The following TBC1D19 variants were observed in gnomAD, a reference collection of about 807,000 sequenced individuals.
The protein encoded by TBC1D19 is TBC1 domain family member 19, also known as TBC1 domain family, member 19.
In TBC1D19, 60 loss-of-function variants were observed where a neutral mutation model predicts 89.0. That is an observed-to-expected ratio of 0.67 (90% CI 0.55 to 0.84). The LOEUF is 0.84. Among genes scored for constraint, TBC1D19 ranks in the 40% least tolerant of loss-of-function variants. TBC1D19 has a pLI of 0.00. For missense variants in TBC1D19, 500 were observed against 610.8 expected (o/e 0.82, Z 1.91); for synonymous variants, 189 against 199.7 (o/e 0.95, Z 0.45).
In TBC1D19 at chr4:26,673,870, T is replaced by C. The variant is rs1247079631; in HGVS notation, c.798T>C (p.Asn266=). The change falls in exon 11 of 21, where the codon AAT becomes AAC. Residue 266 remains asparagine, a synonymous_variant. Coordinates refer to ENST00000264866, the MANE Select transcript of TBC1D19 (RefSeq NM_018317.4). ...LRAELWALIL[N]ISSQPEDVLY... Reference sequence around the variant, plus strand: ...CTGAATTGTGGGCTCTCATTTTGAATATTTCCAGCCAACCTGAGGTAAGAA... The same window carrying C: ...CTGAATTGTGGGCTCTCATTTTGAACATTTCCAGCCAACCTGAGGTAAGAA... The C allele has an allele frequency of 6.2e-7, 1 of 1,601,476 alleles. No individual in the cohort carries two copies. Among genetic ancestry groups the C allele is most frequent in the Non-Finnish European group, 8.5e-7 (1 of 1,172,766 alleles).
the TBC1D19 span, among the ~76,000 whole-genome samples, chr4:26,844,903 C>G: frequency 6.6e-6 from 1 of 152,164 alleles, no homozygotes; most frequent in Non-Finnish European, 1.5e-5. Flanking sequence ...TTCAGATTGG[C>G]TGAAACAATG....
chr4:26,642,495 T>C (rs1459771028), intron 7 of TBC1D19, among the ~76,000 whole-genome samples: 2 of 152,142 alleles, frequency 1.3e-5, no homozygotes, highest in Non-Finnish European at 2.9e-5. Context: ...GTAAAGACCA[T>C]CGATGCTAAG....
chr4:26,748,695 G>C (rs1419873621), intron 19 of TBC1D19, among the ~76,000 whole-genome samples, 169 bp downstream of exon 19: 1 of 152,174 alleles, frequency 6.6e-6, no homozygotes, highest in Admixed American at 6.5e-5. Flanking sequence ...CTGCAGTCTT[G>C]ATACTTTTAT....
At chr4:26,829,584 T>C in the TBC1D19 span, among the ~76,000 whole-genome samples, 1 of 152,092 alleles carries the variant, frequency 6.6e-6, no homozygotes, top group African/African-American at 2.4e-5. Flanking sequence ...TTCCCATTTT[T>C]CCCCTCTCTC....
At chr4:26,730,324 AT>A (rs1281578242) in intron 15 of TBC1D19, among the ~76,000 whole-genome samples, 1 of 152,228 alleles carries the variant, frequency 6.6e-6, no homozygotes, top group Admixed American at 6.5e-5. Context: ...AAAATAAAAA[AT>A]TATTAAAAGA....
chr4:26,794,781 GA>G, the TBC1D19 span, among the ~76,000 whole-genome samples: 1 of 152,032 alleles, frequency 6.6e-6, no homozygotes, highest in Non-Finnish European at 1.5e-5. Flanking sequence ...AGTAGTAAAA[GA>G]AAAAAACAGC....
At chr4:26,709,835 C>G (rs564090619) in intron 13 of TBC1D19, among the ~76,000 whole-genome samples, 8 of 152,028 alleles carry the variant, frequency 5.3e-5, no homozygotes, top group Non-Finnish European at 1.0e-4. Context: ...ACCATCTTCC[C>G]AGAATCCACT....
At chr4:26,688,603 T>C (rs1186858887) in intron 13 of TBC1D19, among the ~76,000 whole-genome samples, 196 bp downstream of exon 13, 1 of 152,056 alleles carries the variant, frequency 6.6e-6, no homozygotes, top group Non-Finnish European at 1.5e-5. Context: ...GAGTTCCCAA[T>C]TGTTTCTTTT....
chr4:26,803,204 G>T, the TBC1D19 span, among the ~76,000 whole-genome samples: 1 of 152,060 alleles, frequency 6.6e-6, no homozygotes, highest in Non-Finnish European at 1.5e-5. Context: ...TAACTGAAAG[G>T]GAAAAGGAAG....
chr4:26,585,221 A>G, intron 1 of TBC1D19: 1 of 443,436 alleles, frequency 2.3e-6, no homozygotes, highest in Non-Finnish European at 4.5e-6. Flanking sequence ...AAACTGTCAC[A>G]CTTTTCCAAA....
At chr4:26,822,673 G>A in the TBC1D19 span, among the ~76,000 whole-genome samples, 2 of 151,902 alleles carry the variant, frequency 1.3e-5, no homozygotes, top group Admixed American at 6.6e-5. Context: ...GTTGAGATGC[G>A]GTTGAAGACC....
intron 13 of TBC1D19, among the ~76,000 whole-genome samples, chr4:26,690,139 C>G (rs1400371299): frequency 5.3e-5 from 8 of 152,184 alleles, no homozygotes; most frequent in Admixed American, 2.6e-4. Flanking sequence ...TGACATTCCC[C>G]TAAACCAAAG....
chr4:26,717,518 C>A (rs1716707062), intron 13 of TBC1D19, among the ~76,000 whole-genome samples: 1 of 152,048 alleles, frequency 6.6e-6, no homozygotes, highest in African/African-American at 2.4e-5. Context: ...TCCCTCCCAC[C>A]CTGACATGCC....
the TBC1D19 span, among the ~76,000 whole-genome samples, chr4:26,825,958 T>C: frequency 6.6e-6 from 1 of 152,126 alleles, no homozygotes; most frequent in Non-Finnish European, 1.5e-5. Context: ...TCCCAGCAGT[T>C]TGGGAGGCTT....
chr4:26,654,424 T>C (rs1325067805), intron 7 of TBC1D19, among the ~76,000 whole-genome samples: 1 of 152,200 alleles, frequency 6.6e-6, no homozygotes, highest in Non-Finnish European at 1.5e-5. Flanking sequence ...TTGGCCTGCC[T>C]TGCTAGATTG....
the TBC1D19 span, among the ~76,000 whole-genome samples, chr4:26,824,679 C>T: frequency 2.0e-5 from 3 of 151,550 alleles, no homozygotes; most frequent in Admixed American, 2.0e-4. Context: ...TTCTTTCTTT[C>T]TTTCTTTTTT....
downstream of TBC1D19, among the ~76,000 whole-genome samples, chr4:26,757,177 C>G (rs574087758): frequency 5.3e-5 from 8 of 152,222 alleles, no homozygotes; most frequent in East Asian, 1.4e-3. Flanking sequence ...TAACACCTGG[C>G]TAAGTTTTTG....
At chr4:26,597,675 TTAAA>T (rs1486156555) in intron 1 of TBC1D19, among the ~76,000 whole-genome samples, 2 of 152,182 alleles carry the variant, frequency 1.3e-5, no homozygotes, top group East Asian at 3.9e-4. Context: ...TTGTATTTTT[TTAAA>T]TAGTCTTTTA....
At chr4:26,630,698 T>A (rs1464660220) in intron 4 of TBC1D19, among the ~76,000 whole-genome samples, 1 of 152,076 alleles carries the variant, frequency 6.6e-6, no homozygotes, top group African/African-American at 2.4e-5. Flanking sequence ...TTCACTGAGT[T>A]AAGTTATATT....
Sources: allele counts gnomAD v4.1 joint callset (sites outside exome capture counted in the v4.1 genomes callset), GRCh38; gene constraint gnomAD v4.1.1; transcripts MANE v1.5; gene names NCBI Gene and HGNC (gene_info 2026-07-23, HGNC 2026-07-21).